Variants in SLC44A5 observed in about 807,000 individuals in gnomAD.
The protein encoded by SLC44A5 is choline transporter-like protein 5.
SLC44A5 carries 57 observed loss-of-function variants against 101.8 expected under a neutral mutation model. The ratio of observed to expected loss-of-function variants is 0.56; its 90% CI spans 0.45 to 0.70. The LOEUF is 0.70. Among genes scored for constraint, SLC44A5 ranks in the 30% least tolerant of loss-of-function variants. SLC44A5 has a pLI of 0.00. For synonymous variants in SLC44A5, 281 were observed against 290.9 expected (o/e 0.97, Z 0.35); for missense variants, 737 against 853.1 (o/e 0.86, Z 1.70).
At chr1:75,512,894 A>G (rs1669641200) in intron 2 of SLC44A5, among the ~76,000 whole-genome samples, 1 of 152,194 alleles carries the variant, frequency 6.6e-6, no homozygotes, top group Non-Finnish European at 1.5e-5. Flanking sequence ...TTTGCTAACC[A>G]TGCCTACTTC....
At chr1:75,236,421 T>C (rs1648082605) in intron 11 of SLC44A5, among the ~76,000 whole-genome samples, 1 of 152,006 alleles carries the variant, frequency 6.6e-6, no homozygotes, top group South Asian at 2.1e-4. Flanking sequence ...AATGCAACTC[T>C]TATGCCTGAA....
chr1:75,653,389 G>A, the SLC44A5 span, among the ~76,000 whole-genome samples: 1 of 152,136 alleles, frequency 6.6e-6, no homozygotes, highest in Admixed American at 6.5e-5. Flanking sequence ...GGCTGATGCA[G>A]GAGAATCACT....
chr1:75,633,206 C>T, the SLC44A5 span, among the ~76,000 whole-genome samples: 15 of 152,092 alleles, frequency 9.9e-5, no homozygotes, highest in Non-Finnish European at 7.4e-5. Context: ...GATGCGGGCT[C>T]TTTTTTGGTT....
At chr1:75,299,246 TAGA>T (rs993210422) in intron 5 of SLC44A5, among the ~76,000 whole-genome samples, 1 of 152,222 alleles carries the variant, frequency 6.6e-6, no homozygotes, top group Non-Finnish European at 1.5e-5. Flanking sequence ...CTGAAGTTCT[TAGA>T]AGAATATATT....
At position 75,527,132 on chromosome 1, in the gene SLC44A5, C is replaced by T. The variant is rs191242942; in HGVS notation, c.13+14303G>A. On this transcript the variant is annotated intron_variant, in intron 2 of 23. Coordinates refer to ENST00000370859, the MANE Select transcript of SLC44A5 (RefSeq NM_001130058.2). ...CCTCGGTGGCAGAGCAAGACACTGTCGCAAAAAAAAAGAAAAAAAAAAGAA... is the reference window on the plus strand; with the variant it reads ...CCTCGGTGGCAGAGCAAGACACTGTTGCAAAAAAAAAGAAAAAAAAAAGAA... 1.3e-3 allele frequency among the ~76,000 whole-genome samples: 166 copies of T among 124,358 alleles called. 1 individual carries two copies. The highest frequency in any genetic ancestry group is 5.2e-3 in the African/African-American group (160 of 30,522). The allele number at this position is 124,358 out of a possible 152,430, so 81.6% of individuals were successfully genotyped here.
chr1:75,389,767 A>C (rs1159642082), intron 3 of SLC44A5, among the ~76,000 whole-genome samples: 2 of 152,146 alleles, frequency 1.3e-5, no homozygotes, highest in Non-Finnish European at 2.9e-5. Context: ...GAAAAACAAG[A>C]ACAAACTAAT....
chr1:75,530,413 T>C (rs1296487591), intron 2 of SLC44A5, among the ~76,000 whole-genome samples: 1 of 152,180 alleles, frequency 6.6e-6, no homozygotes, highest in East Asian at 1.9e-4. Flanking sequence ...TCAAATGCTT[T>C]TTGAGTTATA....
chr1:75,452,387 G>A (rs908668845), intron 2 of SLC44A5, among the ~76,000 whole-genome samples: 10 of 152,090 alleles, frequency 6.6e-5, no homozygotes, highest in South Asian at 2.1e-4. Flanking sequence ...TCTTACAAGA[G>A]ATCCTTAAGA....
the SLC44A5 span, among the ~76,000 whole-genome samples, chr1:75,621,193 A>G: frequency 2.6e-5 from 4 of 152,202 alleles, no homozygotes; most frequent in Non-Finnish European, 4.4e-5. Context: ...GACAATGAAG[A>G]TGATGACAAG....
At chr1:75,332,113 T>C (rs1657103629) in intron 4 of SLC44A5, among the ~76,000 whole-genome samples, 1 of 152,212 alleles carries the variant, frequency 6.6e-6, no homozygotes, top group South Asian at 2.1e-4. Flanking sequence ...ATGTAATAGA[T>C]GCCCATGAAT....
At chr1:75,234,194 C>G (rs572364971) in intron 11 of SLC44A5, 96 bp from the exon 12 acceptor site, 1 of 772,816 alleles carries the variant, frequency 1.3e-6, no homozygotes, top group African/African-American at 1.8e-5. Context: ...CAAAATTATT[C>G]TTAAATTCTT....
chr1:75,206,423 C>T, intron 23 of SLC44A5: 1 of 491,832 alleles, frequency 2.0e-6, no homozygotes. Flanking sequence ...GCTGGGACCA[C>T]TGTCTATAAA....
At chr1:75,545,302 G>T (rs1052856910) in intron 1 of SLC44A5, among the ~76,000 whole-genome samples, 1 of 152,140 alleles carries the variant, frequency 6.6e-6, no homozygotes, top group African/African-American at 2.4e-5. Flanking sequence ...ATTGTGAATA[G>T]TGCCACAATA....
At chr1:75,539,897 G>C (rs1276062062) in intron 2 of SLC44A5, among the ~76,000 whole-genome samples, 3 of 152,152 alleles carry the variant, frequency 2.0e-5, no homozygotes. Flanking sequence ...GAAAAAAAGA[G>C]ATAAATGAGC....
intron 5 of SLC44A5, among the ~76,000 whole-genome samples, chr1:75,298,913 G>A (rs1417610222): frequency 1.3e-5 from 2 of 152,140 alleles, no homozygotes; most frequent in African/African-American, 4.8e-5. Context: ...TGAAAGGCAG[G>A]TAATGTTTCC....
At chr1:75,400,632 T>C (rs1662417711) in intron 2 of SLC44A5, among the ~76,000 whole-genome samples, 1 of 152,204 alleles carries the variant, frequency 6.6e-6, no homozygotes, top group African/African-American at 2.4e-5. Flanking sequence ...ACCCCCTGTG[T>C]TGGGCTCATC....
chr1:75,380,368 A>T (rs1660865745), intron 3 of SLC44A5, among the ~76,000 whole-genome samples: 1 of 85,080 alleles, frequency 1.2e-5, no homozygotes, highest in Admixed American at 1.1e-4. Flanking sequence ...TTCAGACTAT[A>T]AAGGTGAAAT....
chr1:75,217,909 T>G lies in SLC44A5; in HGVS notation c.1581A>C (p.Gln527His). Reference protein sequence around the residue: ...AFGSLIIALIQMFKIVLEYLD... With the variant: ...AFGSLIIALIHMFKIVLEYLD... ...AGTATTCTAGTACAATTTTAAACATTTGAATTAATGCAATAATTAAAGATC... is the reference window on the plus strand; with the variant it reads ...AGTATTCTAGTACAATTTTAAACATGTGAATTAATGCAATAATTAAAGATC... The change falls in exon 18 of 24, where the codon CAA becomes CAC. Residue 527 changes from glutamine to histidine, a missense_variant. Coordinates refer to ENST00000370859, the MANE Select transcript of SLC44A5 (RefSeq NM_001130058.2). 8.7e-6 allele frequency: 14 copies of G among 1,606,034 alleles called. No individual in the cohort carries two copies. Among genetic ancestry groups the G allele is most frequent in the Non-Finnish European group, 1.2e-5 (14 of 1,172,982 alleles).
intron 4 of SLC44A5, among the ~76,000 whole-genome samples, chr1:75,319,929 T>A (rs1304442163): frequency 6.6e-6 from 1 of 152,220 alleles, no homozygotes; most frequent in Non-Finnish European, 1.5e-5. Flanking sequence ...CTAAGTTTGT[T>A]AAATGCTTGG....
Sources: allele counts gnomAD v4.1 joint callset (sites outside exome capture counted in the v4.1 genomes callset), GRCh38; gene constraint gnomAD v4.1.1; transcripts MANE v1.5; gene names NCBI Gene and HGNC (gene_info 2026-07-23, HGNC 2026-07-21).